Variants in TLR6 observed in about 807,000 individuals in gnomAD.
TLR6 encodes the protein toll-like receptor 6.
Under a neutral mutation model 16.1 loss-of-function variants are expected in TLR6, and 9 were observed. The observed-to-expected ratio is 0.56, with a 90% CI of 0.34 to 0.98. The LOEUF is 0.98. Among genes scored for constraint, TLR6 ranks in the 50% least tolerant of loss-of-function variants. The pLI is 0.02. For synonymous variants in TLR6, 340 were observed against 338.6 expected (o/e 1.00, Z -0.04); for missense variants, 786 against 921.0 (o/e 0.85, Z 1.90).
rs188041204 is a variant in TLR6, at chr4:38,837,365, G to A, written c.-64-7828C>T. 2.9e-4 allele frequency among the ~76,000 whole-genome samples: 44 copies of A among 152,234 alleles called. 1 individual carries two copies. The highest frequency in any genetic ancestry group is 3.1e-4 in the Non-Finnish European group (21 of 68,016). ...GCAAAGCAAAAGTAGCATGGTATTGGTACAAAAACAGATACATAGACCAAT... is the reference window on the plus strand; with the variant it reads ...GCAAAGCAAAAGTAGCATGGTATTGATACAAAAACAGATACATAGACCAAT... On this transcript the variant is annotated intron_variant, in intron 1 of 1. Transcript: ENST00000436693.
exon 2 of TLR6, chr4:38,826,612 G>A (rs1295991814): frequency 6.5e-6 from 1 of 154,262 alleles, no homozygotes; most frequent in Non-Finnish European, 1.4e-5. Flanking sequence ...TGAAACAAAA[G>A]ACTTTTTTAT....
rs1277115611 is a variant in TLR6 at position 38,827,225 on chromosome 4, T to C, written c.2249A>G (p.Lys750Arg). Residue 750 changes from lysine to arginine, a missense_variant, in exon 2 of 2, where the codon AAG (lysine) becomes AGG (arginine). Transcript: ENST00000436693. ...CCGCTGCGTCATGAGAGCCTTCAGC[T>C]TGTGGTACTTGTTGGGAATGCTGTT... 57 of 1,614,098 alleles carry C rather than the reference T, an allele frequency of 3.5e-5. No individual in the cohort carries two copies. The highest frequency in any genetic ancestry group is 4.4e-5 in the Non-Finnish European group (52 of 1,180,052).
intron 1 of TLR6, among the ~76,000 whole-genome samples, chr4:38,854,728 G>T (rs1712900487): frequency 6.6e-6 from 1 of 151,814 alleles, no homozygotes; most frequent in Non-Finnish European, 1.5e-5. Context: ...CCACTACAAG[G>T]AATTTTCTAA....
chr4:38,853,940 A>T (rs1712867448), intron 1 of TLR6, among the ~76,000 whole-genome samples: 1 of 152,254 alleles, frequency 6.6e-6, no homozygotes, highest in Non-Finnish European at 1.5e-5. Context: ...CAGTTTATTT[A>T]AAAAGTACCA....
At chr4:38,827,064 T>C (rs2109403252) in exon 2 of TLR6, 1 of 1,531,356 alleles carries the variant, frequency 6.5e-7, no homozygotes, top group East Asian at 2.3e-5. Flanking sequence ...GTTTCTTAAG[T>C]TGAATTTCCT....
At chr4:38,848,935 A>C (rs1288027570) in intron 1 of TLR6, among the ~76,000 whole-genome samples, 2 of 152,202 alleles carry the variant, frequency 1.3e-5, no homozygotes, top group East Asian at 3.8e-4. Flanking sequence ...AGAACACCAC[A>C]AAGATACTCC....
chr4:38,865,404 C>T, the TLR6 span, among the ~76,000 whole-genome samples: 1 of 152,120 alleles, frequency 6.6e-6, no homozygotes, highest in Non-Finnish European at 1.5e-5. Context: ...AAAAAACAAA[C>T]TTGTTGCCAG....
At chr4:38,836,744 G>A (rs2109433025) in intron 1 of TLR6, among the ~76,000 whole-genome samples, 1 of 152,134 alleles carries the variant, frequency 6.6e-6, no homozygotes, top group South Asian at 2.1e-4. Context: ...TTCAAGACAA[G>A]CCTGGCCAAC....
intron 1 of TLR6, among the ~76,000 whole-genome samples, chr4:38,838,163 A>G (rs1295004589): frequency 6.6e-6 from 1 of 152,244 alleles, no homozygotes; most frequent in Non-Finnish European, 1.5e-5. Context: ...AAATTAGTAC[A>G]GCCATTATGG....
the TLR6 span, among the ~76,000 whole-genome samples, chr4:38,866,415 C>T: frequency 6.6e-6 from 1 of 151,816 alleles, no homozygotes; most frequent in African/African-American, 2.4e-5. Flanking sequence ...ATTGCTTGAA[C>T]CCAGTAAGCA....
intron 1 of TLR6, among the ~76,000 whole-genome samples, chr4:38,839,266 CA>C (rs973045073): frequency 6.3e-5 from 9 of 143,700 alleles, no homozygotes; most frequent in East Asian, 2.1e-4. Flanking sequence ...ACTAAATAGA[CA>C]AAAAAAAACT....
chr4:38,863,287 C>T, the TLR6 span, among the ~76,000 whole-genome samples: 2 of 152,178 alleles, frequency 1.3e-5, no homozygotes, highest in East Asian at 3.8e-4. Context: ...TTCCTGCTAA[C>T]TCATTGGCAT....
intron 1 of TLR6, among the ~76,000 whole-genome samples, chr4:38,844,676 A>G (rs560605659): frequency 1.3e-5 from 2 of 152,362 alleles, no homozygotes; most frequent in South Asian, 4.1e-4. Flanking sequence ...TCAAATACAT[A>G]CATCTTAAAT....
At chr4:38,850,341 T>C (rs1386650939) in intron 1 of TLR6, among the ~76,000 whole-genome samples, 3 of 151,818 alleles carry the variant, frequency 2.0e-5, no homozygotes, top group Admixed American at 6.6e-5. Context: ...AGAGCAAACA[T>C]ATTGAAAAGC....
chr4:38,826,475 C>A (rs913743962), exon 2 of TLR6: 3 of 152,204 alleles, frequency 2.0e-5, no homozygotes, highest in African/African-American at 7.2e-5. Flanking sequence ...ACGTCTTTCA[C>A]CTCAACAGCT....
exon 2 of TLR6, chr4:38,827,037 C>T: frequency 7.2e-7 from 1 of 1,396,224 alleles, no homozygotes; most frequent in Non-Finnish European, 9.6e-7. Flanking sequence ...TATTCACCAT[C>T]ATCCAAGTAA....
intron 1 of TLR6, among the ~76,000 whole-genome samples, chr4:38,847,360 A>G (rs530045887): frequency 5.9e-5 from 9 of 152,140 alleles, no homozygotes; most frequent in Non-Finnish European, 1.3e-4. Context: ...AGCATAAGTG[A>G]TGCAGAAGAT....
chr4:38,842,659 C>T (rs1457003885), intron 1 of TLR6, among the ~76,000 whole-genome samples: 1 of 152,236 alleles, frequency 6.6e-6, no homozygotes, highest in Non-Finnish European at 1.5e-5. Context: ...CCTCTGTGTG[C>T]CAGCACACAA....
At chr4:38,823,633 T>C (rs929188926), downstream of TLR6, 5 of 152,248 alleles carry the variant, frequency 3.3e-5, no homozygotes, top group African/African-American at 1.2e-4. Context: ...CAAACATGGA[T>C]GGAGGAGATA....
Sources: gnomAD v4.1 joint callset for allele counts (sites outside exome capture counted in the v4.1 genomes callset) on GRCh38, gnomAD v4.1.1 for gene constraint, MANE v1.5 for transcripts, NCBI Gene and HGNC (gene_info 2026-07-23, HGNC 2026-07-21) for gene names.